GOLM1: variants seen among roughly 807,000 people sequenced by gnomAD.
GOLM1 encodes epididymis luminal protein 46.
GOLM1 carries 31 observed loss-of-function variants against 50.5 expected under a neutral mutation model. That is an observed-to-expected ratio of 0.61 (90% CI 0.46 to 0.83). The LOEUF (loss-of-function observed/expected upper bound fraction) is 0.83, where lower values mean the gene tolerates loss of function less well. Among genes scored for constraint, GOLM1 ranks in the 40% least tolerant of loss-of-function variants. GOLM1 has a pLI of 0.00. For missense variants in GOLM1, 491 were observed against 501.3 expected (o/e 0.98, Z 0.20); for synonymous variants, 178 against 192.8 (o/e 0.92, Z 0.64).
chr9:86,029,836 G>A (rs1354395908), intron 9 of GOLM1, among the ~76,000 whole-genome samples: 2 of 152,134 alleles, frequency 1.3e-5, no homozygotes, highest in African/African-American at 2.4e-5. Context: ...CAAGTCCTTA[G>A]GACACCTGAG....
intron 6 of GOLM1, among the ~76,000 whole-genome samples, chr9:86,040,241 C>CA (rs772414017): frequency 6.6e-6 from 1 of 152,132 alleles, no homozygotes; most frequent in Non-Finnish European, 1.5e-5. Flanking sequence ...ATAGGGAATG[C>CA]AAATTATATC....
rs536120215 is a variant in GOLM1, at chr9:86,062,712, AAGG to A, written c.310-10124_310-10122del. 3.7e-3 allele frequency among the ~76,000 whole-genome samples: 535 copies of A among 146,524 alleles called. 8 individuals carry two copies. The highest frequency in any genetic ancestry group is 0.013 in the African/African-American group (515 of 40,120). On this transcript the variant is annotated intron_variant, in intron 3 of 9. Coordinates refer to ENST00000388712, the MANE Select transcript of GOLM1 (RefSeq NM_016548.4). ...GGGAGGGGAGGCAGGAGGAAGGAAA[AAGG>A]AGGAGAAGCAAACGGGGGGGGCTGC...
chr9:86,033,885 G>A (rs952605154), intron 8 of GOLM1, among the ~76,000 whole-genome samples: 18 of 151,900 alleles, frequency 1.2e-4, no homozygotes, highest in African/African-American at 4.1e-4. Context: ...GAGAAGATGA[G>A]GACAAAAGGC....
At chr9:86,047,327 C>G (rs527498001) in intron 4 of GOLM1, among the ~76,000 whole-genome samples, 1 of 152,338 alleles carries the variant, frequency 6.6e-6, no homozygotes, top group African/African-American at 2.4e-5. Flanking sequence ...CAGGCCAGGA[C>G]AGATGCAGGC....
Position 86,031,460 on chromosome 9 carries a change from T to G in GOLM1, c.1129+1822A>C, listed in dbSNP as rs1214378254. 1.7e-3 allele frequency among the ~76,000 whole-genome samples: 245 copies of G among 145,678 alleles called. 1 individual carries two copies. The highest frequency in any genetic ancestry group is 3.9e-3 in the African/African-American group (155 of 39,408). On this transcript the variant is annotated intron_variant, in intron 9 of 9. Coordinates refer to ENST00000388712, the MANE Select transcript of GOLM1 (RefSeq NM_016548.4). ...ACAATACCACTGAGGTTTTTTTTTT[T>G]TTTTTTTTTTTTTTCCCCGAGACGG...
At chr9:86,047,789 C>T (rs549333683) in intron 4 of GOLM1, among the ~76,000 whole-genome samples, 9 of 152,160 alleles carry the variant, frequency 5.9e-5, no homozygotes, top group Admixed American at 5.2e-4. Context: ...GTGACATGGA[C>T]GAATCGCAAA....
In GOLM1 at chr9:86,060,876, CAAAAAAAAAAAAAA is replaced by C. The variant is rs753183065; in HGVS notation, c.310-8299_310-8286del. Among the ~76,000 whole-genome samples the C allele has an allele frequency of 3.7e-3, 74 of 19,888 alleles. 1 individual carries two copies. The highest frequency in any genetic ancestry group is 0.025 in the South Asian group (15 of 610). 13.0% of individuals were successfully genotyped at this position (19,888 alleles called of 152,430 possible). A position where few individuals can be genotyped will look rare whatever the true frequency, so the allele number is the denominator to read the frequency against. ...CTGGGCAACAAGAGCGAAACTCTCT[CAAAAAAAAAAAAAA>C]AAAAAAAAAAAAAAAAAAAAAAAAG... On this transcript the variant is annotated intron_variant, in intron 3 of 9. Transcript: ENST00000388712.
intron 6 of GOLM1, 101 bp downstream of exon 6, chr9:86,040,638 G>A (rs1833311493): frequency 8.8e-6 from 10 of 1,133,426 alleles, no homozygotes; most frequent in Non-Finnish European, 1.0e-5. Flanking sequence ...GCCCGCAAAG[G>A]AGGGCAGAAT....
chr9:86,078,725 A>G (rs1834696939), intron 2 of GOLM1, among the ~76,000 whole-genome samples: 1 of 152,212 alleles, frequency 6.6e-6, no homozygotes, highest in African/African-American at 2.4e-5. Context: ...CCGGTAAATG[A>G]GGAAGTTAAA....
chr9:86,046,705 G>C lies in GOLM1; in HGVS notation c.365-133C>G, dbSNP rs540002481. On this transcript the variant is annotated intron_variant, in intron 4 of 9. Coordinates refer to ENST00000388712, the MANE Select transcript of GOLM1 (RefSeq NM_016548.4). The stretch of plus-strand genomic sequence containing the variant: ...ACAGATTGGGACAAAGGAGGGGAGA[G>C]AGAAAAAGCTGAAAACACAGTCCCT... 37 of 662,760 alleles carry C rather than the reference G, an allele frequency of 5.6e-5. No individual in the cohort carries two copies. The Middle Eastern group carries it at 7.4e-4, about 13-fold the overall frequency. The allele number at this position is 662,760 out of a possible 1,614,324, so 41.1% of individuals were successfully genotyped here.
At chr9:86,085,798 C>A (rs531120303) in intron 1 of GOLM1, among the ~76,000 whole-genome samples, 59 of 152,270 alleles carry the variant, frequency 3.9e-4, no homozygotes, top group African/African-American at 1.4e-3. Context: ...GTGTCCCTGG[C>A]AAAGGACATG....
At position 86,036,523 on chromosome 9, in the gene GOLM1, A is replaced by G. The variant is rs1337884799; in HGVS notation, c.598-16T>C. The G allele has an allele frequency of 6.2e-7, 1 of 1,613,074 alleles. No individual in the cohort carries two copies. On this transcript the variant is annotated splice_polypyrimidine_tract_variant and intron_variant, in intron 6 of 9. Transcript: ENST00000388712. ...GGGCTTGGAGCTGAAACAGAAGCACAGGACAGCCAGCCAGGGCAGGGCTCT... is the reference window on the plus strand; with the variant it reads ...GGGCTTGGAGCTGAAACAGAAGCACGGGACAGCCAGCCAGGGCAGGGCTCT...
Position 86,026,540 on chromosome 9 carries a change from A to G in GOLM1, c.*1277T>C. On this transcript the variant is annotated 3_prime_UTR_variant, in exon 10 of 10. Coordinates refer to ENST00000388712, the MANE Select transcript of GOLM1 (RefSeq NM_016548.4). ...CTAGGCCCCATTTTCCCCTCTGAAA[A>G]TAAGAGGGTTGGATCAAACGATCTC... 3 of 888,456 alleles carry G rather than the reference A, an allele frequency of 3.4e-6. No homozygotes were observed. Among genetic ancestry groups the G allele is most frequent in the Non-Finnish European group, 4.0e-6 (3 of 741,450 alleles). The allele number at this position is 888,456 out of a possible 1,614,324, so 55.0% of individuals were successfully genotyped here.
chr9:86,041,435 A>G (rs918954408), intron 5 of GOLM1, among the ~76,000 whole-genome samples: 15 of 152,296 alleles, frequency 9.8e-5, no homozygotes, highest in Admixed American at 4.6e-4. Context: ...GGTGTAATCA[A>G]TCATGCCTAC....
chr9:86,062,171 T>C (rs979177220), intron 3 of GOLM1, among the ~76,000 whole-genome samples: 1 of 152,004 alleles, frequency 6.6e-6, no homozygotes, highest in South Asian at 2.1e-4. Context: ...GCTTGGCGGG[T>C]GTGGGAAAGC....
intron 3 of GOLM1, among the ~76,000 whole-genome samples, chr9:86,066,678 A>G (rs528855155): frequency 8.4e-4 from 128 of 152,362 alleles, no homozygotes; most frequent in African/African-American, 2.9e-3. Context: ...CGAGAATGTT[A>G]CAAGTGCAAA....
At position 86,027,806 on chromosome 9, in the gene GOLM1, T is replaced by G. The variant is rs1483585515; in HGVS notation, c.*11A>C. On this transcript the variant is annotated 3_prime_UTR_variant, in exon 10 of 10. Transcript: ENST00000388712. ...TCGGCCCTGTTGTGAAATATGTGAT[T>G]CCAGTTCAATTCAGAGTGTATGATT... 1.9e-6 allele frequency: 3 copies of G among 1,612,120 alleles called. No homozygotes were observed.
intron 3 of GOLM1, among the ~76,000 whole-genome samples, chr9:86,053,796 C>T (rs572336245): frequency 4.9e-4 from 73 of 148,426 alleles, no homozygotes; most frequent in Non-Finnish European, 1.8e-4. Flanking sequence ...TACCGCTCCA[C>T]ACAACACCAT....
chr9:86,035,878 C>CAAAAAAAAAAAAAAAA (rs1212918413), intron 7 of GOLM1, among the ~76,000 whole-genome samples: 1 of 101,548 alleles, frequency 9.8e-6, no homozygotes, highest in African/African-American at 4.6e-5. Context: ...AAAAAAAAAA[C>CAAAAAAAAAAAAAAAA]AAAACAAAAA....
Sources: gnomAD v4.1 joint callset for allele counts (sites outside exome capture counted in the v4.1 genomes callset) on GRCh38, gnomAD v4.1.1 for gene constraint, MANE v1.5 for transcripts, NCBI Gene and HGNC (gene_info 2026-07-23, HGNC 2026-07-21) for gene names.